The following PRKDC variants were observed in gnomAD, a reference collection of about 807,000 sequenced individuals.
The protein encoded by PRKDC is DNA-dependent protein kinase catalytic subunit.
A neutral mutation model predicts 486.9 loss-of-function variants in PRKDC; 82 were observed. That is an observed-to-expected ratio of 0.17 (90% CI 0.14 to 0.20). The LOEUF (loss-of-function observed/expected upper bound fraction) is 0.20, where lower values mean the gene tolerates loss of function less well. PRKDC is among the 10% of genes least tolerant of loss of function. The pLI, the probability that PRKDC is intolerant of heterozygous loss-of-function variation, is 1.00. For synonymous variants in PRKDC, 1,895 were observed against 1,837.0 expected (o/e 1.03, Z -0.81); for missense variants, 4,504 against 5,038.2 (o/e 0.89, Z 3.21).
rs779706048 is a variant in PRKDC, at chr8:47,836,445, G to C, written c.7844C>G (p.Thr2615Ser). 5.6e-6 allele frequency: 9 copies of C among 1,612,720 alleles called. No individual in the cohort carries two copies. The highest frequency in any genetic ancestry group is 7.6e-6 in the Non-Finnish European group (9 of 1,179,444). The change falls in exon 58 of 86, where the codon ACT (threonine) becomes AGT (serine). Residue 2615 changes from threonine (T) to serine (S), a missense_variant. Around this residue, in one of 6 missense-constraint regions of PRKDC, gnomAD observed 1,592 missense variants for 1,724.6 expected, o/e 0.92. Coordinates refer to ENST00000314191, the MANE Select transcript of PRKDC (RefSeq NM_006904.7). ...MFVETQASQG[T>S]LQTRTQEGSL... ...CCCTTCCTGGGTACGGGTCTGGAGAGTGCCCTGGGAGGCCTGGGTCTCCAC... is the reference window on the plus strand; with the variant it reads ...CCCTTCCTGGGTACGGGTCTGGAGACTGCCCTGGGAGGCCTGGGTCTCCAC...
At chr8:47,822,292 A>G (rs2087617996) in intron 64 of PRKDC, among the ~76,000 whole-genome samples, 1 of 151,468 alleles carries the variant, frequency 6.6e-6, no homozygotes. Context: ...TAAGAGAGAA[A>G]AAAAAAAAAA....
chr8:47,789,848 C>G (rs1308501982), intron 74 of PRKDC, among the ~76,000 whole-genome samples: 1 of 152,182 alleles, frequency 6.6e-6, no homozygotes, highest in Non-Finnish European at 1.5e-5. Context: ...GTTGAAAAAG[C>G]ATTTGATAAA....
intron 80 of PRKDC, 183 bp from the exon 81 acceptor site, chr8:47,779,276 C>A (rs1424544373): frequency 2.0e-6 from 1 of 512,808 alleles, no homozygotes; most frequent in African/African-American, 2.0e-5. Flanking sequence ...TTTCAATATA[C>A]CATTATTCAT....
intron 68 of PRKDC, among the ~76,000 whole-genome samples, chr8:47,812,365 T>C (rs1014023960): frequency 6.6e-6 from 1 of 152,172 alleles, no homozygotes; most frequent in African/African-American, 2.4e-5. Context: ...TTTACTAAAA[T>C]AGACCATATG....
At chr8:47,934,537 AAAAT>A (rs8178025) in intron 14 of PRKDC, among the ~76,000 whole-genome samples, 5 of 152,180 alleles carry the variant, frequency 3.3e-5, no homozygotes, top group East Asian at 3.8e-4. Flanking sequence ...TCTGTCTCAA[AAAAT>A]AAATAAATAA....
At chr8:47,912,601 A>G (rs376574402) in intron 24 of PRKDC, 39 bp from the exon 25 acceptor site, 13 of 1,519,668 alleles carry the variant, frequency 8.6e-6, no homozygotes, top group Non-Finnish European at 1.2e-5. Flanking sequence ...TTAAGTTATC[A>G]CGTTGATGAC....
chr8:47,910,525 G>A (rs1023024190), intron 25 of PRKDC, among the ~76,000 whole-genome samples: 24 of 152,210 alleles, frequency 1.6e-4, no homozygotes, highest in Non-Finnish European at 2.5e-4. Context: ...CCATCTGTGC[G>A]CTGGTTCAGC....
At chr8:47,870,028 C>T (rs1290840145) in intron 40 of PRKDC, among the ~76,000 whole-genome samples, 2 of 152,226 alleles carry the variant, frequency 1.3e-5, no homozygotes, top group African/African-American at 4.8e-5. Context: ...GAATAGAGCA[C>T]CAGGTAAATT....
intron 1 of PRKDC, among the ~76,000 whole-genome samples, chr8:47,958,180 C>T (rs1190187303): frequency 6.6e-6 from 1 of 152,110 alleles, no homozygotes; most frequent in African/African-American, 2.4e-5. Context: ...TTCCAAACCT[C>T]TAGTTAGGGG....
At chr8:47,936,865 T>A (rs1487825012) in intron 11 of PRKDC, among the ~76,000 whole-genome samples, 1 of 148,754 alleles carries the variant, frequency 6.7e-6, no homozygotes, top group African/African-American at 2.5e-5. Flanking sequence ...CCTCAGGTGA[T>A]CTGCCCACCT....
chr8:47,929,849 T>C lies in PRKDC; in HGVS notation c.2052+4A>G. ...AGATTCAACATCCTGCAAGAAAGAC[T>C]CACCTCGAAATATTTTATTTTCTTG... On this transcript the variant is annotated splice_donor_region_variant and intron_variant, in intron 18 of 85. Coordinates refer to ENST00000314191, the MANE Select transcript of PRKDC (RefSeq NM_006904.7). 3 of 1,592,188 alleles carry C rather than the reference T, an allele frequency of 1.9e-6. No individual in the cohort carries two copies. The highest frequency in any genetic ancestry group is 1.7e-6 in the Non-Finnish European group (2 of 1,174,496).
intron 74 of PRKDC, among the ~76,000 whole-genome samples, chr8:47,794,047 A>G (rs1589700006): frequency 6.6e-6 from 1 of 152,334 alleles, no homozygotes. Context: ...ATCCCAAGCA[A>G]TCATGACCAT....
At chr8:47,885,569 G>A (rs1164949796) in intron 36 of PRKDC, among the ~76,000 whole-genome samples, 1 of 151,900 alleles carries the variant, frequency 6.6e-6, no homozygotes, top group Non-Finnish European at 1.5e-5. Context: ...AATATTTCAG[G>A]AATATGGCAA....
In PRKDC at chr8:47,862,360, A is replaced by C. The variant is rs373147663; in HGVS notation, c.5919+13T>G. 6.2e-7 allele frequency: 1 copy of C among 1,610,446 alleles called. No homozygotes were observed. The highest frequency in any genetic ancestry group is 8.5e-7 in the Non-Finnish European group (1 of 1,176,746). ...CTACAATAACAATAGTGCACACCGT[A>C]GGAGTGGCCTACCTTTTCTGGTTTT... On this transcript the variant is annotated intron_variant, in intron 43 of 85. Transcript: ENST00000314191.
Position 47,879,591 on chromosome 8 carries a change from C to T in PRKDC, c.5135G>A (p.Arg1712His), listed in dbSNP as rs763086884. 11 of 1,594,114 alleles carry T rather than the reference C, an allele frequency of 6.9e-6. No homozygotes were observed. The highest frequency in any genetic ancestry group is 8.5e-6 in the Non-Finnish European group (10 of 1,170,718). Reference protein sequence around the residue: ...LTGGSLEELRRVLEQLIVAHF... With the variant: ...LTGGSLEELRHVLEQLIVAHF... ...AGCAACGATGAGCTGCTCCAGAACA[C>T]GTCTAAGTTCCTCCAGACTGCCTCC... is the stretch of plus-strand genomic sequence containing the variant. Residue 1712 changes from arginine (R) to histidine (H), a missense_variant, in exon 39 of 86, where the codon CGT (arginine) becomes CAT (histidine). Arg to His is a conservative substitution (Grantham distance 29, BLOSUM62 0). Coordinates refer to ENST00000314191, the MANE Select transcript of PRKDC (RefSeq NM_006904.7).
intron 21 of PRKDC, among the ~76,000 whole-genome samples, chr8:47,920,881 CA>C (rs1211103910): frequency 6.6e-6 from 1 of 152,100 alleles, no homozygotes; most frequent in East Asian, 1.9e-4. Context: ...ATTACATTCA[CA>C]ATGTTGTCCA....
intron 68 of PRKDC, among the ~76,000 whole-genome samples, chr8:47,809,835 A>G (rs747422971): frequency 1.1e-4 from 16 of 152,168 alleles, no homozygotes; most frequent in Non-Finnish European, 1.8e-4. Context: ...AAGGTCTGCT[A>G]TTGGGATGAG....
chr8:47,901,824 C>G (rs2089689786), intron 27 of PRKDC, among the ~76,000 whole-genome samples: 1 of 152,076 alleles, frequency 6.6e-6, no homozygotes, highest in Non-Finnish European at 1.5e-5. Flanking sequence ...ATGTGGTACA[C>G]AATATTCCTA....
At chr8:47,888,922 T>C (rs1158260777) in intron 33 of PRKDC, 92 bp downstream of exon 33, 3 of 1,334,974 alleles carry the variant, frequency 2.2e-6, no homozygotes, top group Non-Finnish European at 2.1e-6. Flanking sequence ...AAGCCTTCCC[T>C]GAGGAAGCAG....
Sources: gnomAD v4.1 joint callset for allele counts (sites outside exome capture counted in the v4.1 genomes callset) on GRCh38, gnomAD v4.1.1 for gene constraint, gnomAD v4.1.1 regional missense constraint, MANE v1.5 for transcripts, NCBI Gene and HGNC (gene_info 2026-07-23, HGNC 2026-07-21) for gene names.